The following SEC24A variants were observed in gnomAD, a reference collection of about 807,000 sequenced individuals.
SEC24A encodes the protein protein transport protein Sec24A.
SEC24A carries 93 observed loss-of-function variants against 129.4 expected under a neutral mutation model. The ratio of observed to expected loss-of-function variants is 0.72; its 90% CI spans 0.61 to 0.85. The LOEUF (loss-of-function observed/expected upper bound fraction) is 0.85, where lower values mean the gene tolerates loss of function less well. Ranked by LOEUF, SEC24A falls within the 40% of genes least tolerant of loss-of-function variation. The pLI is 0.00. For missense variants in SEC24A, 1,264 were observed against 1,307.4 expected, an observed-to-expected ratio of 0.97 and a Z score of 0.51; for synonymous variants, 460 against 467.3, an observed-to-expected ratio of 0.98 and a Z score of 0.20.
At chr5:134,705,848 A>C (rs1752144796) in intron 17 of SEC24A, among the ~76,000 whole-genome samples, 2 of 149,792 alleles carry the variant, frequency 1.3e-5, no homozygotes, top group Non-Finnish European at 3.0e-5. Flanking sequence ...TTCTGTCTCT[A>C]TATATTTATA....
intron 17 of SEC24A, among the ~76,000 whole-genome samples, chr5:134,706,685 CTCATTCAT>C (rs1363112090): frequency 6.6e-6 from 1 of 151,522 alleles, no homozygotes; most frequent in East Asian, 1.9e-4. Flanking sequence ...CATTCATTCA[CTCATTCAT>C]TTATTTAGTT....
In SEC24A at chr5:134,660,952, G is replaced by A. The variant is rs75742055; in HGVS notation, c.98-167G>A. ...TGAATGTTTTGGCATGTGCTTATTA[G>A]CTATCTTCTTTGGAAGTATGTTTGA... On this transcript the variant is annotated intron_variant, in intron 1 of 22. Coordinates refer to ENST00000398844, the MANE Select transcript of SEC24A (RefSeq NM_021982.3). Among the ~76,000 whole-genome samples, 971 of 152,160 alleles carry A rather than the reference G, an allele frequency of 6.4e-3. 6 individuals are homozygous for A. Among genetic ancestry groups the A allele is most frequent in the Middle Eastern group, 0.027 (8 of 294 alleles).
At chr5:134,714,972 A>T in intron 18 of SEC24A, 52 bp from the exon 19 acceptor site, 1 of 1,539,832 alleles carries the variant, frequency 6.5e-7, no homozygotes, top group South Asian at 1.2e-5. Flanking sequence ...AAAGTTCTGG[A>T]TGTATTTTTA....
intron 13 of SEC24A, among the ~76,000 whole-genome samples, chr5:134,695,525 G>A (rs1444399199): frequency 1.3e-5 from 2 of 151,970 alleles, no homozygotes; most frequent in Non-Finnish European, 2.9e-5. Context: ...GGTGGCTCAC[G>A]CCTGTAATTC....
Position 134,666,950 on chromosome 5 carries a change from T to C in SEC24A, c.693T>C (p.Tyr231=). 2 of 1,611,730 alleles carry C rather than the reference T, an allele frequency of 1.2e-6. No homozygotes were observed. The highest frequency in any genetic ancestry group is 1.7e-6 in the Non-Finnish European group (2 of 1,179,422). The change falls in exon 3 of 23, where the codon TAT becomes TAC. Residue 231 remains tyrosine, a synonymous_variant. Coordinates refer to ENST00000398844, the MANE Select transcript of SEC24A (RefSeq NM_021982.3). The part of the protein sequence containing the change: ...VRALTPLTSS[Y]RDVPQPLFNS... ...CCCTCACGCCCCTGACATCATCATA[T>C]AGAGATGTACCCCAGCCCTTATTTA... is the stretch of plus-strand genomic sequence containing the variant.
chr5:134,705,090 A>ATATATATATTTT (rs1180461537), intron 16 of SEC24A, among the ~76,000 whole-genome samples: 2 of 123,306 alleles, frequency 1.6e-5, no homozygotes, highest in African/African-American at 6.0e-5. Context: ...ATATATATAT[A>ATATATATATTTT]TTTTTTTTTT....
chr5:134,657,721 C>T (rs1468290689), intron 1 of SEC24A, among the ~76,000 whole-genome samples: 1 of 152,026 alleles, frequency 6.6e-6, no homozygotes, highest in East Asian at 1.9e-4. Context: ...GGAATATAGG[C>T]ACGTGCCACC....
At chr5:134,703,964 T>A in intron 16 of SEC24A, 32 bp downstream of exon 16, 1 of 1,432,034 alleles carries the variant, frequency 7.0e-7, no homozygotes, top group Admixed American at 2.0e-5. Context: ...GGATTTCAAA[T>A]GTTCAAATAT....
At chr5:134,715,228 A>G in intron 19 of SEC24A, 67 bp downstream of exon 19, 1 of 1,300,568 alleles carries the variant, frequency 7.7e-7, no homozygotes, top group Non-Finnish European at 1.1e-6. Context: ...TCCAGTACAG[A>G]AATGAGGAAG....
At chr5:134,679,902 TTTAA>T (rs1751207025) in intron 8 of SEC24A, among the ~76,000 whole-genome samples, 174 bp downstream of exon 8, 1 of 152,108 alleles carries the variant, frequency 6.6e-6, no homozygotes, top group South Asian at 2.1e-4. Flanking sequence ...TATAAATAAA[TTTAA>T]TTATTTATTT....
At chr5:134,717,779 G>A (rs965675174) in intron 19 of SEC24A, among the ~76,000 whole-genome samples, 2 of 151,868 alleles carry the variant, frequency 1.3e-5, no homozygotes, top group East Asian at 3.9e-4. Flanking sequence ...GCTGGGTGTT[G>A]TGGTGCATGC....
intron 20 of SEC24A, among the ~76,000 whole-genome samples, chr5:134,719,985 CAAA>C (rs879319119): frequency 7.0e-6 from 1 of 143,040 alleles, no homozygotes; most frequent in Non-Finnish European, 1.5e-5. Context: ...AACTACGTCT[CAAA>C]AAAAAAAATT....
Position 134,675,123 on chromosome 5 carries a change from C to A in SEC24A, c.1057C>A (p.Leu353Ile), listed in dbSNP as rs1406077619. The A allele has an allele frequency of 6.2e-7, 1 of 1,613,582 alleles. No homozygotes were observed. The highest frequency in any genetic ancestry group is 8.5e-7 in the Non-Finnish European group (1 of 1,179,708). Residue 353 changes from leucine (L) to isoleucine (I), a missense_variant, in exon 6 of 23, where the codon CTT becomes ATT. Physicochemically the swap from Leu to Ile is conservative, Grantham distance 5. Transcript: ENST00000398844. ...LQPEGLRVVN[L>I]LQERNMLPST... The stretch of plus-strand genomic sequence containing the variant: ...ACCAGAGGGTCTAAGAGTTGTCAAT[C>A]TTCTTCAAGAAAGAAACATGCTTCC...
intron 7 of SEC24A, among the ~76,000 whole-genome samples, chr5:134,678,567 T>G (rs1408185822): frequency 6.7e-6 from 1 of 149,048 alleles, no homozygotes; most frequent in East Asian, 1.9e-4. Context: ...AGCACTGGGA[T>G]ATATATATAT....
chr5:134,707,079 C>T (rs542243427), intron 17 of SEC24A, among the ~76,000 whole-genome samples: 1 of 152,290 alleles, frequency 6.6e-6, no homozygotes, highest in Non-Finnish European at 1.5e-5. Flanking sequence ...TCAAGCAATC[C>T]TCCTGCTTTG....
At chr5:134,692,732 A>G (rs1241798152) in intron 12 of SEC24A, 75 bp downstream of exon 12, 2 of 940,656 alleles carry the variant, frequency 2.1e-6, no homozygotes, top group South Asian at 1.4e-5. Context: ...AACTTTAAGT[A>G]AAATTTTGAT....
chr5:134,712,691 T>C (rs1171650903), intron 18 of SEC24A, among the ~76,000 whole-genome samples: 1 of 152,052 alleles, frequency 6.6e-6, no homozygotes, highest in Non-Finnish European at 1.5e-5. Context: ...CAATCTTGGC[T>C]CACTGCAACC....
intron 19 of SEC24A, among the ~76,000 whole-genome samples, chr5:134,717,657 G>C (rs1400612670): frequency 6.6e-6 from 1 of 151,132 alleles, no homozygotes; most frequent in Non-Finnish European, 1.5e-5. Context: ...GGTAGCTCAC[G>C]CCTGTAACAG....
At chr5:134,706,531 G>A (rs1206725281) in intron 17 of SEC24A, among the ~76,000 whole-genome samples, 1 of 152,050 alleles carries the variant, frequency 6.6e-6, no homozygotes, top group African/African-American at 2.4e-5. Context: ...ACAGTGTCTT[G>A]CTCTGTCACC....
Sources: allele counts gnomAD v4.1 joint callset (sites outside exome capture counted in the v4.1 genomes callset), GRCh38; gene constraint gnomAD v4.1.1; transcripts MANE v1.5; gene names NCBI Gene and HGNC (gene_info 2026-07-23, HGNC 2026-07-21).